KIRREL3: variants seen among roughly 807,000 people sequenced by gnomAD.
KIRREL3 encodes kirre like nephrin family adhesion molecule 3.
A neutral mutation model predicts 89.7 loss-of-function variants in KIRREL3; 36 were observed. That is an observed-to-expected ratio of 0.40 (90% CI 0.31 to 0.53). KIRREL3 has a LOEUF of 0.53. KIRREL3 is among the 20% of genes least tolerant of loss of function. The pLI is 0.49. For synonymous variants in KIRREL3, 445 were observed against 441.4 expected, an observed-to-expected ratio of 1.01 and a Z score of -0.10; for missense variants, 864 against 1,056.6, an observed-to-expected ratio of 0.82 and a Z score of 2.53.
rs972197818 is a variant in KIRREL3 at position 126,571,748 on chromosome 11, T to C, written c.56-8836A>G. ...TTCTTTGGACTTCCAGTATAATCCG[T>C]TTGTGAGAGGGGTGGGGCGGGGGGA... On this transcript the variant is annotated intron_variant, in intron 1 of 16. Transcript: ENST00000525144. This position sits in a 1 kb window ranked among gnomAD's most constrained non-coding sequence, Gnocchi z 7.7. Among the ~76,000 whole-genome samples, 7 of 152,024 alleles carry C rather than the reference T, an allele frequency of 4.6e-5. No individual in the cohort carries two copies. Among genetic ancestry groups the C allele is most frequent in the African/African-American group, 1.7e-4 (7 of 41,418 alleles).
At chr11:126,451,501 TGTGA>T (rs373962646) in intron 7 of KIRREL3, among the ~76,000 whole-genome samples, 88 of 151,392 alleles carry the variant, frequency 5.8e-4, no homozygotes, top group East Asian at 2.9e-3. Context: ...TGTGTGCATG[TGTGA>T]GTGTGTCCAT....
In KIRREL3 at chr11:126,740,627, C is replaced by G. The variant is rs540486060; in HGVS notation, c.56-177715G>C. ...GAGGGAAGGCCAATAAGATAATAAT[C>G]CCTTAGCTTGACTGTGGCTCCAAGG... On this transcript the variant is annotated intron_variant, in intron 1 of 16. Coordinates refer to ENST00000525144, the MANE Select transcript of KIRREL3 (RefSeq NM_032531.4). The surrounding 1 kb of genome is among the most constrained non-coding windows in gnomAD (Gnocchi z 6.0). Among the ~76,000 whole-genome samples, 1 of 152,236 alleles carries G rather than the reference C, an allele frequency of 6.6e-6. No individual in the cohort carries two copies. The highest frequency in any genetic ancestry group is 2.1e-4 in the South Asian group (1 of 4,822).
chr11:126,611,557 C>T lies in KIRREL3; in HGVS notation c.56-48645G>A, dbSNP rs1168057136. Among the ~76,000 whole-genome samples, 1 of 152,226 alleles carries T rather than the reference C, an allele frequency of 6.6e-6. No homozygotes were observed. The highest frequency in any genetic ancestry group is 2.4e-5 in the African/African-American group (1 of 41,462). ...TTTTCCACTTGCTTAGTTTCCTACT[C>T]TTCCCTTTATCCTGAGGTGTCGTGA... On this transcript the variant is annotated intron_variant, in intron 1 of 16. Coordinates refer to ENST00000525144, the MANE Select transcript of KIRREL3 (RefSeq NM_032531.4). This position sits in a 1 kb window ranked among gnomAD's most constrained non-coding sequence, Gnocchi z 4.7.
In KIRREL3 at chr11:126,474,696, G is replaced by A. The variant is rs979829153; in HGVS notation, c.434-1230C>T. On this transcript the variant is annotated intron_variant, in intron 4 of 16. Coordinates refer to ENST00000525144, the MANE Select transcript of KIRREL3 (RefSeq NM_032531.4). The surrounding 1 kb of genome is among the most constrained non-coding windows in gnomAD (Gnocchi z 6.7). ...TGCCAGGAAGAGGGCCATCCGCGTC[G>A]GAGCACGGTCTCCGCAGTGCCCAGC... is the stretch of plus-strand genomic sequence containing the variant. Among the ~76,000 whole-genome samples, 22 of 152,200 alleles carry A rather than the reference G, an allele frequency of 1.4e-4. No individual in the cohort carries two copies. Among genetic ancestry groups the A allele is most frequent in the African/African-American group, 4.8e-4 (20 of 41,446 alleles).
chr11:126,658,673 CTT>C (rs1945264174), intron 1 of KIRREL3, among the ~76,000 whole-genome samples: 2 of 152,210 alleles, frequency 1.3e-5, no homozygotes, highest in African/African-American at 2.4e-5. Context: ...CTCGTTAAGA[CTT>C]TTTCTTTGTC....
At chr11:126,581,646 T>C (rs1227327720) in intron 1 of KIRREL3, among the ~76,000 whole-genome samples, 1 of 79,344 alleles carries the variant, frequency 1.3e-5, no homozygotes, top group Non-Finnish European at 2.9e-5. Context: ...ACCTCACATA[T>C]GTATCATTTT....
intron 1 of KIRREL3, among the ~76,000 whole-genome samples, chr11:126,874,777 T>C (rs191727647): frequency 6.6e-5 from 10 of 152,328 alleles, no homozygotes; most frequent in Admixed American, 2.0e-4. Context: ...GTGCGTGGAA[T>C]GGTGGCTGCA....
intron 13 of KIRREL3, among the ~76,000 whole-genome samples, chr11:126,433,321 T>C (rs1465396714): frequency 6.6e-6 from 1 of 152,104 alleles, no homozygotes; most frequent in East Asian, 1.9e-4. Flanking sequence ...TCTTTTTCTT[T>C]AAAGGGAGGA....
At position 126,811,911 on chromosome 11, in the gene KIRREL3, A is replaced by T. The variant is rs1951402611; in HGVS notation, c.55+188544T>A. Among the ~76,000 whole-genome samples the T allele has an allele frequency of 6.6e-6, 1 of 152,192 alleles. No individual in the cohort carries two copies. The highest frequency in any genetic ancestry group is 6.5e-5 in the Admixed American group (1 of 15,280). On this transcript the variant is annotated intron_variant, in intron 1 of 16. Transcript: ENST00000525144. This position sits in a 1 kb window ranked among gnomAD's most constrained non-coding sequence, Gnocchi z 4.3. ...CAGCAATGAACTTCTAAGAGAAATC[A>T]GATCAAGCCCTCAAACATTAATTTA...
chr11:126,832,627 T>G (rs1341446505), intron 1 of KIRREL3, among the ~76,000 whole-genome samples: 1 of 152,200 alleles, frequency 6.6e-6, no homozygotes, highest in African/African-American at 2.4e-5. Flanking sequence ...ATATTACTGT[T>G]GCAAATGTGT....
At chr11:126,992,717 T>C (rs1236398243) in intron 1 of KIRREL3, among the ~76,000 whole-genome samples, 2 of 152,192 alleles carry the variant, frequency 1.3e-5, no homozygotes, top group African/African-American at 4.8e-5. Flanking sequence ...GTCCCTAGGT[T>C]TTTGTGCTCA....
chr11:126,952,431 TG>T lies in KIRREL3; in HGVS notation c.55+48023del, dbSNP rs1376373708. ...TCCTTCACACATTTTTTGATGGGGTTGTTTTTTTCTGGTAAATTTGTTTAAG... is the reference window on the plus strand; with the variant it reads ...TCCTTCACACATTTTTTGATGGGGTTTTTTTTTCTGGTAAATTTGTTTAAG... On this transcript the variant is annotated intron_variant, in intron 1 of 16. Coordinates refer to ENST00000525144, the MANE Select transcript of KIRREL3 (RefSeq NM_032531.4). 2.6e-5 allele frequency among the ~76,000 whole-genome samples: 4 copies of T among 152,200 alleles called. No homozygotes were observed. In the East Asian group the frequency reaches 5.8e-4, roughly 22 times the overall value.
rs529837436 is a variant in KIRREL3, at chr11:126,899,906, G to A, written c.55+100549C>T. ...AGTAGCAAGTGGAGACTCTGGAAGA[G>A]CTCCTAGACACAGAACATCTTCTTA... is the stretch of plus-strand genomic sequence containing the variant. On this transcript the variant is annotated intron_variant, in intron 1 of 16. Coordinates refer to ENST00000525144, the MANE Select transcript of KIRREL3 (RefSeq NM_032531.4). 1.4e-4 allele frequency among the ~76,000 whole-genome samples: 21 copies of A among 152,304 alleles called. 1 individual carries two copies. The highest frequency in any genetic ancestry group is 4.6e-4 in the African/African-American group (19 of 41,578).
rs567860615 is a variant in KIRREL3 at position 126,719,624 on chromosome 11, T to G, written c.56-156712A>C. 6.6e-6 allele frequency among the ~76,000 whole-genome samples: 1 copy of G among 152,312 alleles called. No individual in the cohort carries two copies. The highest frequency in any genetic ancestry group is 1.5e-5 in the Non-Finnish European group (1 of 68,032). Reference sequence around the variant, plus strand: ...CCACACAGCCCCTCCCGCTAGATCCTGTCAAAATCATCCCTATCTCAGCCA... The same window carrying G: ...CCACACAGCCCCTCCCGCTAGATCCGGTCAAAATCATCCCTATCTCAGCCA... On this transcript the variant is annotated intron_variant, in intron 1 of 16. Transcript: ENST00000525144. This position sits in a 1 kb window ranked among gnomAD's most constrained non-coding sequence, Gnocchi z 4.7.
rs1167694406 is a variant in KIRREL3 at position 126,441,464 on chromosome 11, C to T, written c.1253-915G>A. Among the ~76,000 whole-genome samples, 1 of 152,218 alleles carries T rather than the reference C, an allele frequency of 6.6e-6. No individual in the cohort carries two copies. The highest frequency in any genetic ancestry group is 1.5e-5 in the Non-Finnish European group (1 of 68,044). ...GAAAGACAAAAGAAGGAGCAGCTAGCTTAGCCTGGGCTCTGCTGGCTTCCT... is the reference window on the plus strand; with the variant it reads ...GAAAGACAAAAGAAGGAGCAGCTAGTTTAGCCTGGGCTCTGCTGGCTTCCT... On this transcript the variant is annotated intron_variant, in intron 10 of 16. Coordinates refer to ENST00000525144, the MANE Select transcript of KIRREL3 (RefSeq NM_032531.4). This position sits in a 1 kb window ranked among gnomAD's most constrained non-coding sequence, Gnocchi z 5.0.
At chr11:126,701,436 G>T (rs1003542418) in intron 1 of KIRREL3, among the ~76,000 whole-genome samples, 2 of 152,122 alleles carry the variant, frequency 1.3e-5, no homozygotes, top group African/African-American at 4.8e-5. Flanking sequence ...ACAGCAGGGA[G>T]GAAGCTGGGC....
At position 126,639,805 on chromosome 11, in the gene KIRREL3, C is replaced by T. The variant is rs139915038; in HGVS notation, c.56-76893G>A. 6.6e-3 allele frequency among the ~76,000 whole-genome samples: 1,012 copies of T among 152,248 alleles called. 6 individuals carry two copies. The highest frequency in any genetic ancestry group is 0.012 in the Non-Finnish European group (804 of 68,016). ...CTTGTGAAATAGACACAAGAAGGAG[C>T]TAAACTCATTTCAGGTTTGACCTCT... On this transcript the variant is annotated intron_variant, in intron 1 of 16. Transcript: ENST00000525144. This position sits in a 1 kb window ranked among gnomAD's most constrained non-coding sequence, Gnocchi z 4.3.
intron 1 of KIRREL3, among the ~76,000 whole-genome samples, chr11:126,884,124 T>C (rs1945611472): frequency 6.6e-6 from 1 of 152,198 alleles, no homozygotes; most frequent in Non-Finnish European, 1.5e-5. Flanking sequence ...TTAGAAAAAG[T>C]TCTCTAGTAC....
At position 126,800,011 on chromosome 11, in the gene KIRREL3, G is replaced by T. The variant is rs568068956; in HGVS notation, c.55+200444C>A. 2.6e-5 allele frequency among the ~76,000 whole-genome samples: 4 copies of T among 152,290 alleles called. No homozygotes were observed. In the South Asian group the frequency reaches 8.3e-4, roughly 32 times the overall value. ...AGTTCAATCAATCAGGATCTCTGTG[G>T]GTGGGGCTCTGAGCATTGGCATTAT... On this transcript the variant is annotated intron_variant, in intron 1 of 16. Transcript: ENST00000525144.
Sources: allele counts gnomAD v4.1 joint callset (sites outside exome capture counted in the v4.1 genomes callset), GRCh38; gene constraint gnomAD v4.1.1; non-coding constraint Gnocchi (gnomAD v3.1); transcripts MANE v1.5; gene names NCBI Gene and HGNC (gene_info 2026-07-23, HGNC 2026-07-21).